The following ZNF341 variants were observed in gnomAD, a reference collection of about 807,000 sequenced individuals.
The protein encoded by ZNF341 is zinc finger protein 341.
Under a neutral mutation model 87.7 loss-of-function variants are expected in ZNF341, and 52 were observed. The ratio of observed to expected loss-of-function variants is 0.59; its 90% CI spans 0.47 to 0.75. The LOEUF (loss-of-function observed/expected upper bound fraction) is 0.75. Among genes scored for constraint, ZNF341 ranks in the 30% least tolerant of loss-of-function variants. ZNF341 has a pLI of 0.00. For synonymous variants in ZNF341, 459 were observed against 472.7 expected, an observed-to-expected ratio of 0.97 and a Z score of 0.38; for missense variants, 977 against 1,145.9, an observed-to-expected ratio of 0.85 and a Z score of 2.13.
Position 33,740,990 on chromosome 20 carries a change from G to A in ZNF341, c.120G>A (p.Ala40=), listed in dbSNP as rs751327345. ...ATCCGACAGGCCAGAGTGTCAATGC[G>A]CCCCCTGCTATCCAGCCATTGGGTG... ...VPDPTGQSVN[A]PPAIQPLDDE... Residue 40 remains alanine, a synonymous_variant, in exon 2 of 15, where the codon GCG becomes GCA. Coordinates refer to ENST00000375200, the MANE Select transcript of ZNF341 (RefSeq NM_001282933.2). 5.6e-6 allele frequency: 9 copies of A among 1,613,968 alleles called. No homozygotes were observed. The South Asian group carries it at 6.6e-5, about 12-fold the overall frequency.
At chr20:33,773,782 G>A (rs781436505) in intron 10 of ZNF341, among the ~76,000 whole-genome samples, 1 of 152,120 alleles carries the variant, frequency 6.6e-6, no homozygotes, top group Non-Finnish European at 1.5e-5. Context: ...TATACACCAT[G>A]AGAGTTGATT....
chr20:33,770,048 C>T, intron 9 of ZNF341, 36 bp from the exon 10 acceptor site: 1 of 1,518,520 alleles, frequency 6.6e-7, no homozygotes, highest in Non-Finnish European at 9.1e-7. Context: ...GGAAGCTCTC[C>T]TGCCTCCTGT....
intron 12 of ZNF341, among the ~76,000 whole-genome samples, chr20:33,786,546 A>G (rs2019866419): frequency 6.6e-6 from 1 of 152,220 alleles, no homozygotes; most frequent in Non-Finnish European, 1.5e-5. Flanking sequence ...ATACACTTAA[A>G]AGAAGCTTAA....
At chr20:33,766,593 T>C (rs1275938006) in intron 8 of ZNF341, among the ~76,000 whole-genome samples, 1 of 152,100 alleles carries the variant, frequency 6.6e-6, no homozygotes, top group Non-Finnish European at 1.5e-5. Context: ...CTACAGTGTC[T>C]GAGGGGAAGG....
chr20:33,771,216 G>T (rs1344769486), intron 10 of ZNF341, among the ~76,000 whole-genome samples: 3 of 152,066 alleles, frequency 2.0e-5, no homozygotes, highest in Non-Finnish European at 4.4e-5. Flanking sequence ...ATAAGATCTA[G>T]GTTAAAGTTG....
At chr20:33,760,505 G>T (rs997572620) in intron 7 of ZNF341, among the ~76,000 whole-genome samples, 16 of 152,098 alleles carry the variant, frequency 1.1e-4, no homozygotes, top group African/African-American at 3.6e-4. Context: ...GTGAGTCTGA[G>T]AAACTGAATT....
At chr20:33,748,791 C>A in intron 3 of ZNF341, 132 bp from the exon 4 acceptor site, 1 of 861,680 alleles carries the variant, frequency 1.2e-6, no homozygotes, top group Non-Finnish European at 1.8e-6. Flanking sequence ...ATTCCAGAAC[C>A]TGGATCTTTT....
chr20:33,788,501 C>T, intron 12 of ZNF341: 1 of 310,624 alleles, frequency 3.2e-6, no homozygotes. Context: ...TGGCTCGCTG[C>T]CCTCACCTTC....
chr20:33,742,905 G>A (rs2018833127), intron 2 of ZNF341, among the ~76,000 whole-genome samples: 1 of 152,134 alleles, frequency 6.6e-6, no homozygotes, highest in Non-Finnish European at 1.5e-5. Flanking sequence ...ATGAAGCCAT[G>A]TTTCCCACTG....
chr20:33,746,532 G>A (rs555840501), intron 3 of ZNF341, among the ~76,000 whole-genome samples: 2 of 151,888 alleles, frequency 1.3e-5, no homozygotes, highest in Non-Finnish European at 2.9e-5. Context: ...ACACCCAGCC[G>A]CTGGGGCTTT....
chr20:33,772,244 G>T (rs1275276644), intron 10 of ZNF341, among the ~76,000 whole-genome samples: 14 of 152,096 alleles, frequency 9.2e-5, no homozygotes, highest in Admixed American at 8.5e-4. Flanking sequence ...GGGAGCACCT[G>T]CCTCACAAAA....
At chr20:33,781,423 T>G in intron 11 of ZNF341, 36 bp downstream of exon 11, 1 of 1,589,980 alleles carries the variant, frequency 6.3e-7, no homozygotes. Flanking sequence ...GGGCCTAGGC[T>G]ATAATAAGGG....
At chr20:33,737,434 G>T (rs538492173) in intron 1 of ZNF341, among the ~76,000 whole-genome samples, 1 of 152,260 alleles carries the variant, frequency 6.6e-6, no homozygotes, top group Non-Finnish European at 1.5e-5. Context: ...CCATTCTCCT[G>T]CCTCAGCCTC....
chr20:33,753,208 A>G lies in ZNF341; in HGVS notation c.526A>G (p.Thr176Ala). ...LNMHSVPSYLTQPPPPPPPPP... is the reference protein window; with the variant it reads ...LNMHSVPSYLAQPPPPPPPPP... ...CATGCATTCCGTGCCCAGCTACCTC[A>G]CCCAGCCTCCACCTCCTCCTCCACC... The change falls in exon 5 of 15, where the codon ACC (threonine) becomes GCC (alanine). Residue 176 changes from threonine (T) to alanine (A), a missense_variant. By Grantham distance (58) the Thr-to-Ala change is moderately conservative. Around this residue, in one of 3 missense-constraint regions of ZNF341, gnomAD observed 515 missense variants for 598.2 expected, o/e 0.86. Transcript: ENST00000375200. 1 of 1,611,742 alleles carries G rather than the reference A, an allele frequency of 6.2e-7. No homozygotes were observed. Among genetic ancestry groups the G allele is most frequent in the Non-Finnish European group, 8.5e-7 (1 of 1,179,912 alleles).
chr20:33,732,928 T>G lies in ZNF341; in HGVS notation c.31+876T>G, dbSNP rs2122615661. Among the ~76,000 whole-genome samples, 1 of 152,252 alleles carries G rather than the reference T, an allele frequency of 6.6e-6. No homozygotes were observed. The highest frequency in any genetic ancestry group is 1.9e-4 in the East Asian group (1 of 5,182). On this transcript the variant is annotated intron_variant, in intron 1 of 14. Transcript: ENST00000375200. The surrounding 1 kb of genome is among the most constrained non-coding windows in gnomAD (Gnocchi z 4.5). The stretch of plus-strand genomic sequence containing the variant: ...TGTGGGAAATACAGACCAAGAATGG[T>G]CTTGGAGGAGTGGGATGAGATGAGT...
rs777048064 is a variant in ZNF341, at chr20:33,791,527, GGTGTCT to G, written c.*13_*18del. 39 of 1,537,060 alleles carry G rather than the reference GGTGTCT, an allele frequency of 2.5e-5. No homozygotes were observed. Among genetic ancestry groups the G allele is most frequent in the Non-Finnish European group, 2.9e-5 (33 of 1,145,056 alleles). The stretch of plus-strand genomic sequence containing the variant: ...CCAGGCCTCCGAGTGACGGACCTGA[GGTGTCT>G]GTTTCCTGGGCAGGCCTGATGCTCC... On this transcript the variant is annotated 3_prime_UTR_variant, in exon 15 of 15. Coordinates refer to ENST00000375200, the MANE Select transcript of ZNF341 (RefSeq NM_001282933.2).
Position 33,761,860 on chromosome 20 carries a change from A to G in ZNF341, c.1029-2A>G, listed in dbSNP as rs1378975706. The G allele has an allele frequency of 1.3e-6, 2 of 1,512,112 alleles. No individual in the cohort carries two copies. The highest frequency in any genetic ancestry group is 1.8e-6 in the Non-Finnish European group (2 of 1,112,632). The allele number at this position is 1,512,112 out of a possible 1,614,324, so 93.7% of individuals were successfully genotyped here. A position where few individuals can be genotyped will look rare whatever the true frequency, so the allele number is the denominator to read the frequency against. On this transcript the variant is annotated splice_acceptor_variant, in intron 7 of 14. Transcript: ENST00000375200. LOFTEE classifies it high-confidence loss of function. ...GGGCACTGACAAGCTTGTCTTCCAC[A>G]GCCACACCGGTGAGAAGCCCTTCCA... is the stretch of plus-strand genomic sequence containing the variant.
intron 9 of ZNF341, among the ~76,000 whole-genome samples, chr20:33,769,297 T>G (rs1362919753): frequency 6.6e-6 from 1 of 150,948 alleles, no homozygotes; most frequent in African/African-American, 2.4e-5. Flanking sequence ...CCCCTGAGGA[T>G]TTCTCGTTAG....
intron 11 of ZNF341, among the ~76,000 whole-genome samples, chr20:33,782,598 C>G (rs1332999876): frequency 6.6e-6 from 1 of 152,164 alleles, no homozygotes; most frequent in African/African-American, 2.4e-5. Context: ...GAACCACATG[C>G]CAGATGCTGT....
Sources: allele counts gnomAD v4.1 joint callset (sites outside exome capture counted in the v4.1 genomes callset), GRCh38; gene constraint gnomAD v4.1.1; regional missense constraint gnomAD v4.1.1; non-coding constraint Gnocchi (gnomAD v3.1); transcripts MANE v1.5; gene names NCBI Gene and HGNC (gene_info 2026-07-23, HGNC 2026-07-21).